The following EPSTI1 variants were observed in gnomAD, a reference collection of about 807,000 sequenced individuals.
The protein encoded by EPSTI1 is epithelial stromal interaction 1, also known as epithelial-stromal interaction protein 1.
EPSTI1 carries 66 observed loss-of-function variants against 49.9 expected under a neutral mutation model. The ratio of observed to expected loss-of-function variants is 1.32; its 90% CI spans 1.08 to 1.62. The LOEUF (loss-of-function observed/expected upper bound fraction) is 1.62, where lower values mean the gene tolerates loss of function less well. Ranked by LOEUF, EPSTI1 falls within the 40% of genes most tolerant of loss-of-function variation. The probability of loss-of-function intolerance (pLI) is 0.00; values close to 1 mark genes in which losing one functional copy is unlikely to be tolerated. For missense variants in EPSTI1, 394 were observed against 365.5 expected, an observed-to-expected ratio of 1.08 and a Z score of -0.64; for synonymous variants, 137 against 130.7, an observed-to-expected ratio of 1.05 and a Z score of -0.33.
rs540358339 is a variant in EPSTI1, at chr13:42,888,024, AAAG to A, written c.*467_*469del. 172 of 369,168 alleles carry A rather than the reference AAAG, an allele frequency of 4.7e-4. No homozygotes were observed. Among genetic ancestry groups the A allele is most frequent in the Non-Finnish European group, 7.5e-4 (157 of 208,492 alleles). The allele number at this position is 369,168 out of a possible 1,614,324, so 22.9% of individuals were successfully genotyped here. A position where few individuals can be genotyped will look rare whatever the true frequency, so the allele number is the denominator to read the frequency against. On this transcript the variant is annotated 3_prime_UTR_variant, in exon 11 of 11. Transcript: ENST00000313624. ...CAAAATTTATTTATAAATTTGTGTA[AAAG>A]AATATAAGACCTTTTTCTTTTGTAC...
In EPSTI1 at chr13:42,910,352, C is replaced by T. The variant is rs780782781; in HGVS notation, c.741+7189G>A. Among the ~76,000 whole-genome samples the T allele has an allele frequency of 1.9e-3, 286 of 147,660 alleles. 3 individuals are homozygous for T. The highest frequency in any genetic ancestry group is 1.2e-3 in the Non-Finnish European group (78 of 67,424). ...TCTTGGCTTACTGCAACCTCCGGCT[C>T]CTGGGTTCAAGTGATTTGCATGCCT... On this transcript the variant is annotated intron_variant, in intron 8 of 10. Transcript: ENST00000313624.
At chr13:42,953,251 GA>G (rs11355319) in intron 6 of EPSTI1, among the ~76,000 whole-genome samples, 71,474 of 143,238 alleles carry the variant, frequency 0.5, 17,268 homozygotes, top group Middle Eastern at 0.55. Flanking sequence ...CTGTATTTAA[GA>G]AAAAAAAAAA....
At chr13:42,917,176 A>G (rs2037853252) in intron 8 of EPSTI1, among the ~76,000 whole-genome samples, 1 of 152,146 alleles carries the variant, frequency 6.6e-6, no homozygotes, top group Non-Finnish European at 1.5e-5. Flanking sequence ...ATGCATTATC[A>G]CATTCTCTGG....
chr13:42,963,343 A>C lies in EPSTI1; in HGVS notation c.406-5T>G. On this transcript the variant is annotated splice_polypyrimidine_tract_variant and splice_region_variant and intron_variant, in intron 4 of 10. Transcript: ENST00000313624. Reference sequence around the variant, plus strand: ...TACAGATTCTTCTCTTTTTAGCTAAATTGTATTGAAATTACAGAGAACAAA... The same window carrying C: ...TACAGATTCTTCTCTTTTTAGCTAACTTGTATTGAAATTACAGAGAACAAA... 1 of 1,604,644 alleles carries C rather than the reference A, an allele frequency of 6.2e-7. No homozygotes were observed. The highest frequency in any genetic ancestry group is 2.2e-5 in the East Asian group (1 of 44,814).
At chr13:42,902,061 T>C (rs2037376684) in intron 8 of EPSTI1, among the ~76,000 whole-genome samples, 1 of 152,106 alleles carries the variant, frequency 6.6e-6, no homozygotes, top group Non-Finnish European at 1.5e-5. Flanking sequence ...AATGATGATT[T>C]CCAATTTCAT....
intron 6 of EPSTI1, among the ~76,000 whole-genome samples, chr13:42,940,709 GACT>G (rs2038724858): frequency 6.6e-6 from 1 of 152,176 alleles, no homozygotes; most frequent in Non-Finnish European, 1.5e-5. Flanking sequence ...AAGTAGCCAG[GACT>G]ACAGGCACGT....
intron 9 of EPSTI1, among the ~76,000 whole-genome samples, chr13:42,895,484 G>A (rs776723048): frequency 1.3e-5 from 2 of 152,198 alleles, no homozygotes; most frequent in African/African-American, 2.4e-5. Flanking sequence ...ACATGAAGAA[G>A]AACCAAAGAT....
chr13:42,983,630 A>G (rs967862088), intron 1 of EPSTI1, among the ~76,000 whole-genome samples: 6 of 151,106 alleles, frequency 4.0e-5, no homozygotes, highest in African/African-American at 1.5e-4. Flanking sequence ...CAATCCTTCT[A>G]TCTATTCTCC....
intron 6 of EPSTI1, among the ~76,000 whole-genome samples, chr13:42,926,974 G>A (rs1302512859): frequency 7.2e-6 from 1 of 138,620 alleles, no homozygotes; most frequent in Non-Finnish European, 1.5e-5. Flanking sequence ...AAGCAAAAGT[G>A]AACCCTCTGT....
intron 6 of EPSTI1, among the ~76,000 whole-genome samples, chr13:42,941,684 A>C (rs1187416062): frequency 6.7e-6 from 1 of 150,256 alleles, no homozygotes; most frequent in Non-Finnish European, 1.5e-5. Context: ...CTTAATTTCT[A>C]ATTTTACTCC....
chr13:42,905,949 A>C (rs1478103625), intron 8 of EPSTI1, among the ~76,000 whole-genome samples: 1 of 152,250 alleles, frequency 6.6e-6, no homozygotes, highest in Admixed American at 6.5e-5. Context: ...AGCTGCATAC[A>C]AACGAGGGTA....
chr13:42,904,679 AACAGTT>A (rs1407901130), intron 8 of EPSTI1, among the ~76,000 whole-genome samples: 1 of 152,236 alleles, frequency 6.6e-6, no homozygotes, highest in Non-Finnish European at 1.5e-5. Context: ...AATACAATGG[AACAGTT>A]ACAAAGACTA....
chr13:42,907,207 A>G (rs2153414254), intron 8 of EPSTI1, among the ~76,000 whole-genome samples: 1 of 152,338 alleles, frequency 6.6e-6, no homozygotes. Flanking sequence ...CCACCTAAAA[A>G]TATTTCCTAC....
chr13:42,887,571 G>C lies in EPSTI1; in HGVS notation c.*923C>G, dbSNP rs1364134463. On this transcript the variant is annotated 3_prime_UTR_variant, in exon 11 of 11. Coordinates refer to ENST00000313624, the MANE Select transcript of EPSTI1 (RefSeq NM_033255.5). ...GTGGCTGGGGGACGGTGAGGCGGAGGGGACAGAGGGATTGAGCTAGATTAC... is the reference window on the plus strand; with the variant it reads ...GTGGCTGGGGGACGGTGAGGCGGAGCGGACAGAGGGATTGAGCTAGATTAC... 6.6e-6 allele frequency: 1 copy of C among 152,154 alleles called. No individual in the cohort carries two copies. The highest frequency in any genetic ancestry group is 2.4e-5 in the African/African-American group (1 of 41,396). The allele number at this position is 152,154 out of a possible 1,614,324, so 9.4% of individuals were successfully genotyped here.
At chr13:42,980,386 T>C (rs1198678223) in intron 1 of EPSTI1, among the ~76,000 whole-genome samples, 1 of 152,178 alleles carries the variant, frequency 6.6e-6, no homozygotes, top group African/African-American at 2.4e-5. Flanking sequence ...GGGTGATTTA[T>C]AAAGAAAAAG....
chr13:42,950,529 G>A (rs1239823859), intron 6 of EPSTI1, among the ~76,000 whole-genome samples: 2 of 152,144 alleles, frequency 1.3e-5, no homozygotes, highest in Non-Finnish European at 2.9e-5. Context: ...GCAAATGAAC[G>A]AAGTCAAGAA....
intron 6 of EPSTI1, among the ~76,000 whole-genome samples, chr13:42,930,421 G>A (rs2038323488): frequency 6.6e-6 from 1 of 152,164 alleles, no homozygotes; most frequent in Admixed American, 6.5e-5. Flanking sequence ...ACATAACTGG[G>A]TATGAGCAAA....
chr13:42,981,294 T>C (rs575218212), intron 1 of EPSTI1, among the ~76,000 whole-genome samples: 1 of 152,358 alleles, frequency 6.6e-6, no homozygotes, highest in Non-Finnish European at 1.5e-5. Flanking sequence ...AACCTTAATA[T>C]GTATAACCTT....
chr13:42,950,195 C>T (rs2039052567), intron 6 of EPSTI1, among the ~76,000 whole-genome samples: 1 of 152,196 alleles, frequency 6.6e-6, no homozygotes, highest in Non-Finnish European at 1.5e-5. Flanking sequence ...AGACTTAATG[C>T]ACCATTAATC....
Sources: allele counts gnomAD v4.1 joint callset (sites outside exome capture counted in the v4.1 genomes callset), GRCh38; gene constraint gnomAD v4.1.1; transcripts MANE v1.5; gene names NCBI Gene and HGNC (gene_info 2026-07-23, HGNC 2026-07-21).